The following DTD1 variants were observed in gnomAD, a reference collection of about 807,000 sequenced individuals.
DTD1 encodes D-aminoacyl-tRNA deacylase 1, also known as D-tyrosyl-tRNA deacylase 1 homolog.
DTD1 carries 13 observed loss-of-function variants against 25.6 expected under a neutral mutation model. The ratio of observed to expected loss-of-function variants is 0.51; its 90% confidence interval spans 0.33 to 0.81. The LOEUF is 0.81. Ranked by LOEUF, DTD1 falls within the 30% of genes least tolerant of loss-of-function variation. The pLI is 0.02. For synonymous variants in DTD1, 110 were observed against 103.6 expected (o/e 1.06, Z -0.37); for missense variants, 193 against 266.4 (o/e 0.72, Z 1.92).
intron 4 of DTD1, among the ~76,000 whole-genome samples, chr20:18,689,292 T>G (rs1190242872): frequency 3.9e-5 from 6 of 152,086 alleles, no homozygotes; most frequent in Non-Finnish European, 8.8e-5. Context: ...CCCGCCCCCT[T>G]TGTATGTGTG....
At chr20:18,754,519 C>T (rs2122534615) in intron 5 of DTD1, among the ~76,000 whole-genome samples, 1 of 152,308 alleles carries the variant, frequency 6.6e-6, no homozygotes, top group East Asian at 1.9e-4. Flanking sequence ...AGGCACATTA[C>T]CCCTTATCCA....
chr20:18,633,869 G>A (rs2060797610), intron 4 of DTD1, among the ~76,000 whole-genome samples: 1 of 152,222 alleles, frequency 6.6e-6, no homozygotes, highest in Non-Finnish European at 1.5e-5. Context: ...CTTGTTTGCA[G>A]AACTGGCTGC....
At chr20:18,698,840 G>A (rs541351902) in intron 4 of DTD1, 3 of 152,312 alleles carry the variant, frequency 2.0e-5, no homozygotes, top group African/African-American at 7.2e-5. Context: ...TCCGAGGCCC[G>A]AGCCCAGGGA....
chr20:18,761,328 G>A (rs531817124), intron 5 of DTD1, among the ~76,000 whole-genome samples: 2 of 152,138 alleles, frequency 1.3e-5, no homozygotes, highest in African/African-American at 2.4e-5. Flanking sequence ...ACTGGGAGGT[G>A]TAGACTGGAG....
At chr20:18,642,071 C>A (rs527340212) in intron 4 of DTD1, among the ~76,000 whole-genome samples, 1 of 152,180 alleles carries the variant, frequency 6.6e-6, no homozygotes, top group Admixed American at 6.5e-5. Context: ...TTTTTACTTG[C>A]AGACAGGTTG....
chr20:18,647,708 G>A (rs2060855658), intron 4 of DTD1, among the ~76,000 whole-genome samples: 1 of 152,184 alleles, frequency 6.6e-6, no homozygotes, highest in Admixed American at 6.5e-5. Flanking sequence ...TAAGGAGCTT[G>A]TACTTTTGTT....
At chr20:18,606,434 A>AC (rs2060658504) in intron 3 of DTD1, among the ~76,000 whole-genome samples, 1 of 134,912 alleles carries the variant, frequency 7.4e-6, no homozygotes. Context: ...CTGGGTATAT[A>AC]CCCAAAGGAC....
chr20:18,609,036 C>A (rs1408123175), intron 3 of DTD1, among the ~76,000 whole-genome samples: 1 of 152,082 alleles, frequency 6.6e-6, no homozygotes, highest in Non-Finnish European at 1.5e-5. Flanking sequence ...AACATAGCCT[C>A]CTTTGTTAAT....
chr20:18,747,356 G>A (rs2061304205), intron 5 of DTD1, among the ~76,000 whole-genome samples: 1 of 152,168 alleles, frequency 6.6e-6, no homozygotes. Context: ...TAGAAGTCAT[G>A]GTGCCTGGAA....
intron 4 of DTD1, among the ~76,000 whole-genome samples, chr20:18,634,575 G>A (rs959617066): frequency 3.3e-5 from 5 of 152,122 alleles, no homozygotes; most frequent in African/African-American, 7.2e-5. Context: ...TTAATTTTAC[G>A]CTCCTCTGAG....
intron 5 of DTD1, among the ~76,000 whole-genome samples, chr20:18,754,909 T>C (rs1184383158): frequency 6.6e-6 from 1 of 152,248 alleles, no homozygotes; most frequent in Non-Finnish European, 1.5e-5. Flanking sequence ...TCACTCATGA[T>C]ACTAACATTG....
At chr20:18,696,862 AGTTTTTACT>A (rs2061079449) in intron 4 of DTD1, among the ~76,000 whole-genome samples, 1 of 151,488 alleles carries the variant, frequency 6.6e-6, no homozygotes, top group Non-Finnish European at 1.5e-5. Context: ...CCTGAACTGT[AGTTTTTACT>A]GCTTCCATTT....
intron 4 of DTD1, among the ~76,000 whole-genome samples, chr20:18,705,953 C>G (rs1194136443): frequency 2.6e-5 from 4 of 152,202 alleles, no homozygotes; most frequent in Non-Finnish European, 5.9e-5. Context: ...GGAGCCATGA[C>G]TGATCAAGCC....
chr20:18,745,636 G>A (rs958907337), intron 5 of DTD1, among the ~76,000 whole-genome samples: 1 of 152,216 alleles, frequency 6.6e-6, no homozygotes, highest in African/African-American at 2.4e-5. Flanking sequence ...CAGTGCAAAT[G>A]CCATCTGGAG....
chr20:18,717,730 T>C (rs1387751469), intron 4 of DTD1, among the ~76,000 whole-genome samples: 1 of 152,196 alleles, frequency 6.6e-6, no homozygotes, highest in African/African-American at 2.4e-5. Context: ...GGGTCTTTGA[T>C]TGCAAGAGTT....
At chr20:18,694,327 A>C (rs994768499) in intron 4 of DTD1, among the ~76,000 whole-genome samples, 1 of 152,212 alleles carries the variant, frequency 6.6e-6, no homozygotes, top group Non-Finnish European at 1.5e-5. Flanking sequence ...ATAATTAAGC[A>C]TCATATTTTA....
intron 4 of DTD1, among the ~76,000 whole-genome samples, chr20:18,642,256 G>A (rs1392935425): frequency 1.3e-5 from 2 of 152,152 alleles, no homozygotes; most frequent in Admixed American, 1.3e-4. Flanking sequence ...TTTACTAGCA[G>A]CCATCTTCAG....
chr20:18,589,688 C>T (rs955421899), intron 1 of DTD1, among the ~76,000 whole-genome samples: 5 of 152,112 alleles, frequency 3.3e-5, no homozygotes, highest in Admixed American at 6.5e-5. Flanking sequence ...TGTGTGTGGT[C>T]GTCACTGACA....
intron 4 of DTD1, among the ~76,000 whole-genome samples, chr20:18,712,242 C>T (rs996627193): frequency 2.0e-5 from 3 of 152,048 alleles, no homozygotes; most frequent in African/African-American, 7.3e-5. Flanking sequence ...CTTCTTGAGC[C>T]AGGGGTTCTT....
Sources: allele counts gnomAD v4.1 joint callset (sites outside exome capture counted in the v4.1 genomes callset), GRCh38; gene constraint gnomAD v4.1.1; transcripts MANE v1.5; gene names NCBI Gene and HGNC (gene_info 2026-07-23, HGNC 2026-07-21).